UPRT: variants seen among roughly 807,000 people sequenced by gnomAD.
UPRT encodes RP11-311P8.3.
In UPRT, 5 loss-of-function variants were observed where a neutral mutation model predicts 22.6. The observed-to-expected ratio is 0.22, with a 90% CI of 0.12 to 0.47. UPRT has a LOEUF of 0.47. Among genes scored for constraint, UPRT ranks in the 20% least tolerant of loss-of-function variants. UPRT has a pLI of 0.99. For synonymous variants in UPRT, 77 were observed against 87.7 expected, an observed-to-expected ratio of 0.88 and a Z score of 0.68; for missense variants, 181 against 239.9, an observed-to-expected ratio of 0.75 and a Z score of 1.62.
intron 4 of UPRT, among the ~76,000 whole-genome samples, chrX:75,234,720 G>T (rs1602465363): frequency 9.0e-6 from 1 of 110,849 alleles, no homozygotes; most frequent in Admixed American, 9.6e-5. Context: ...CAGAAATAAA[G>T]ATGTTCTTTG....
upstream of UPRT, chrX:75,274,051 C>A: frequency 2.1e-6 from 1 of 470,662 alleles, no homozygotes; most frequent in Non-Finnish European, 3.4e-6. Flanking sequence ...GGTGTCTAGG[C>A]AGGCAGTACG....
At chrX:75,296,223 C>T in intron 2 of UPRT, 119 bp from the exon 3 acceptor site, 1 of 660,560 alleles carries the variant, frequency 1.5e-6, no homozygotes, top group Non-Finnish European at 2.3e-6. Flanking sequence ...TTACTGCCTC[C>T]ACAAGTGAAA....
chrX:75,286,538 T>G (rs779681908), intron 1 of UPRT, among the ~76,000 whole-genome samples: 1 of 111,856 alleles, frequency 8.9e-6, no homozygotes, highest in Admixed American at 9.5e-5. Flanking sequence ...CTTTAGTCAT[T>G]GTTGGAAAGG....
chrX:75,205,339 T>C (rs1245926134), intron 4 of UPRT, among the ~76,000 whole-genome samples: 2 of 93,713 alleles, frequency 2.1e-5, no homozygotes, highest in Non-Finnish European at 2.0e-5. Flanking sequence ...CACTGCAGTC[T>C]GCAGTCCGCA....
intron 1 of UPRT, among the ~76,000 whole-genome samples, chrX:75,158,229 C>T (rs1465226950): frequency 9.0e-6 from 1 of 111,496 alleles, no homozygotes; most frequent in Non-Finnish European, 1.9e-5. Context: ...AAGAGTTGCA[C>T]ACTGCTGGGG....
intron 4 of UPRT, among the ~76,000 whole-genome samples, chrX:75,175,859 C>T (rs998306465): frequency 1.8e-5 from 2 of 111,545 alleles, no homozygotes; most frequent in Non-Finnish European, 3.8e-5. Context: ...TCTCTGATCT[C>T]GCTTTTCCTT....
intron 4 of UPRT, among the ~76,000 whole-genome samples, chrX:75,254,883 C>G (rs1004734485): frequency 6.6e-5 from 7 of 106,083 alleles, no homozygotes; most frequent in African/African-American, 2.1e-4. Context: ...TCACGCCATT[C>G]TCCTGCCTCA....
intron 3 of UPRT, among the ~76,000 whole-genome samples, chrX:75,166,848 T>G (rs1392765264): frequency 8.9e-6 from 1 of 112,397 alleles, no homozygotes; most frequent in Non-Finnish European, 1.9e-5. Flanking sequence ...CTACATCTGG[T>G]GTTTTTATTT....
intron 1 of UPRT, among the ~76,000 whole-genome samples, chrX:75,160,533 GTTTA>G (rs1342636105): frequency 1.8e-5 from 2 of 111,659 alleles, no homozygotes; most frequent in Non-Finnish European, 3.8e-5. Context: ...TACTTTATTT[GTTTA>G]TTTATTTTTT....
intron 4 of UPRT, among the ~76,000 whole-genome samples, chrX:75,206,942 G>T (rs1473593552): frequency 8.9e-6 from 1 of 112,547 alleles, no homozygotes; most frequent in Non-Finnish European, 1.9e-5. Context: ...GAGATTACAG[G>T]CGTGAGCCAC....
At position 75,300,787 on chromosome X, in the gene UPRT, C is replaced by A. The variant is rs180951538; in HGVS notation, c.725-80C>A. ...GAGTGACAGAGTGATTCCCTGTCCC[C>A]CCTCCCCCAAAAAAAGAAAAAAGAC... On this transcript the variant is annotated intron_variant, in intron 5 of 6. Transcript: ENST00000373383. The A allele has an allele frequency of 2.7e-3, 2,150 of 782,011 alleles. 24 individuals are homozygous for A. The highest frequency in any genetic ancestry group is 0.024 in the East Asian group (678 of 28,421). 64.4% of individuals were successfully genotyped at this position (782,011 alleles called of 1,213,427 possible). A position where few individuals can be genotyped will look rare whatever the true frequency, so the allele number is the denominator to read the frequency against.
chrX:75,210,110 GGCA>G (rs2082376491), intron 4 of UPRT, among the ~76,000 whole-genome samples: 1 of 111,651 alleles, frequency 9.0e-6, no homozygotes, highest in African/African-American at 3.3e-5. Context: ...AAAGAGCAGG[GGCA>G]GCTTTATTTA....
intron 5 of UPRT, among the ~76,000 whole-genome samples, chrX:75,300,111 C>T (rs1016445980): frequency 8.9e-6 from 1 of 112,198 alleles, no homozygotes; most frequent in African/African-American, 3.2e-5. Context: ...AAACTTCCGT[C>T]TTGAACACAT....
At chrX:75,194,259 C>T (rs913988206) in intron 4 of UPRT, among the ~76,000 whole-genome samples, 1 of 111,883 alleles carries the variant, frequency 8.9e-6, no homozygotes, top group African/African-American at 3.3e-5. Flanking sequence ...GAATTGCATG[C>T]TCTAACTCTT....
chrX:75,217,405 A>G (rs2082396370), intron 4 of UPRT, among the ~76,000 whole-genome samples: 1 of 111,143 alleles, frequency 9.0e-6, no homozygotes, highest in Non-Finnish European at 1.9e-5. Flanking sequence ...CAGTATGGCC[A>G]TTTTCATGAT....
intron 4 of UPRT, among the ~76,000 whole-genome samples, chrX:75,200,631 A>G (rs2082344810): frequency 9.0e-6 from 1 of 111,232 alleles, no homozygotes; most frequent in Admixed American, 9.5e-5. Context: ...AGTTTGAGTC[A>G]CATCATTCTT....
chrX:75,220,937 G>A (rs960186971), intron 4 of UPRT, among the ~76,000 whole-genome samples: 2 of 111,371 alleles, frequency 1.8e-5, no homozygotes, highest in African/African-American at 6.5e-5. Context: ...ATGATTTCTT[G>A]TTGCTTATTA....
At chrX:75,209,896 CCT>C (rs1242952611) in intron 4 of UPRT, among the ~76,000 whole-genome samples, 4 of 112,219 alleles carry the variant, frequency 3.6e-5, no homozygotes, top group Non-Finnish European at 7.5e-5. Context: ...TTTAGTTCTT[CCT>C]CTCTATTGTT....
chrX:75,286,310 G>GC lies in UPRT; in HGVS notation c.387-7162_387-7161insC, dbSNP rs1465557748. Among the ~76,000 whole-genome samples the GC allele has an allele frequency of 3.7e-3, 326 of 87,630 alleles. 4 individuals carry two copies. Among genetic ancestry groups the GC allele is most frequent in the African/African-American group, 0.014 (303 of 22,405 alleles). 76.1% of individuals were successfully genotyped at this position (87,630 alleles called of 115,157 possible). A position where few individuals can be genotyped will look rare whatever the true frequency, so the allele number is the denominator to read the frequency against. On this transcript the variant is annotated intron_variant, in intron 1 of 6. Transcript: ENST00000373383. ...TTTCTGAAATACAAATTTACTTGGGGGGGGGGTGGGTCCTGATTTTGATTT... is the reference window on the plus strand; with the variant it reads ...TTTCTGAAATACAAATTTACTTGGGGCGGGGGGTGGGTCCTGATTTTGATTT...
Sources: allele counts gnomAD v4.1 joint callset (sites outside exome capture counted in the v4.1 genomes callset), GRCh38; gene constraint gnomAD v4.1.1; transcripts MANE v1.5; gene names NCBI Gene and HGNC (gene_info 2026-07-23, HGNC 2026-07-21).